The following GSE1 variants were observed in gnomAD, a reference collection of about 807,000 sequenced individuals.
GSE1 encodes Gse1 coiled-coil protein.
GSE1 carries 32 observed loss-of-function variants against 112.6 expected under a neutral mutation model. That is an observed-to-expected ratio of 0.28 (90% CI 0.21 to 0.38). The LOEUF (loss-of-function observed/expected upper bound fraction) is 0.38. Ranked by LOEUF, GSE1 falls within the 10% of genes least tolerant of loss-of-function variation. GSE1 has a pLI of 1.00. For synonymous variants in GSE1, 1,115 were observed against 735.6 expected (o/e 1.52, Z -8.35); for missense variants, 2,348 against 1,699.2 (o/e 1.38, Z -6.71).
At chr16:85,477,622 G>A (rs972389425) in intron 2 of GSE1, among the ~76,000 whole-genome samples, 8 of 150,578 alleles carry the variant, frequency 5.3e-5, no homozygotes, top group African/African-American at 1.2e-4. Flanking sequence ...GTGCAGTGGC[G>A]CGATCTCGGC....
Position 85,617,596 on chromosome 16 carries a change from TCCCCC to T in GSE1, c.7+4209_7+4213del, listed in dbSNP as rs139892598. ...AGCCTGGGCATCCGTGTGTCAACCC[TCCCCC>T]CCCCCCCCCCGTTAACTGCCACGTG... is the stretch of plus-strand genomic sequence containing the variant. On this transcript the variant is annotated intron_variant, in intron 1 of 15. Coordinates refer to ENST00000253458, the MANE Select transcript of GSE1 (RefSeq NM_014615.5). Among the ~76,000 whole-genome samples the T allele has an allele frequency of 2.5e-4, 9 of 36,416 alleles. 1 individual carries two copies. Among genetic ancestry groups the T allele is most frequent in the South Asian group, 1.1e-3 (1 of 892 alleles). The allele number at this position is 36,416 out of a possible 152,430, so 23.9% of individuals were successfully genotyped here.
At position 85,655,810 on chromosome 16, in the gene GSE1, A is replaced by G. The variant is rs775943938; in HGVS notation, c.882A>G (p.Pro294=). The change falls in exon 6 of 16, where the codon CCA becomes CCG. Residue 294 remains proline (P), a synonymous_variant. Coordinates refer to ENST00000253458, the MANE Select transcript of GSE1 (RefSeq NM_014615.5). ...CCGGCTCCCTGCCCCCACTGCACCCATCAGCGATGCACCTGCACCTCTCTG... is the reference window on the plus strand; with the variant it reads ...CCGGCTCCCTGCCCCCACTGCACCCGTCAGCGATGCACCTGCACCTCTCTG... ...PTPGSLPPLH[P]SAMHLHLSGV... is the part of the protein sequence containing the mutation. 3.2e-6 allele frequency: 5 copies of G among 1,547,884 alleles called. No homozygotes were observed. Among genetic ancestry groups the G allele is most frequent in the Non-Finnish European group, 4.4e-6 (5 of 1,127,968 alleles).
intron 1 of GSE1, among the ~76,000 whole-genome samples, chr16:85,582,607 C>G (rs2046496996): frequency 6.6e-6 from 1 of 152,182 alleles, no homozygotes; most frequent in Non-Finnish European, 1.5e-5. Context: ...GGTGGCATCC[C>G]CAGAGCTGAC....
chr16:85,402,994 C>T (rs1035358618), intron 2 of GSE1, among the ~76,000 whole-genome samples: 17 of 152,184 alleles, frequency 1.1e-4, no homozygotes, highest in African/African-American at 3.6e-4. Flanking sequence ...GGTCAGGGAT[C>T]CGGATCCAGC....
At position 85,614,131 on chromosome 16, in the gene GSE1, G is replaced by A. The variant is rs542786974; in HGVS notation, c.7+733G>A. On this transcript the variant is annotated intron_variant, in intron 1 of 15. Coordinates refer to ENST00000253458, the MANE Select transcript of GSE1 (RefSeq NM_014615.5). ...ATGGCTGCCCCAGCCTCGGAGGTGG[G>A]AGAGGGATTGCACATCCGCCGCCCC... 4.0e-5 allele frequency among the ~76,000 whole-genome samples: 6 copies of A among 150,908 alleles called. No homozygotes were observed. In the South Asian group the frequency reaches 1.0e-3, roughly 26 times the overall value.
chr16:85,534,651 C>G (rs2044262800), intron 2 of GSE1, among the ~76,000 whole-genome samples: 1 of 152,180 alleles, frequency 6.6e-6, no homozygotes, highest in Admixed American at 6.5e-5. Context: ...GTGTCCGCCT[C>G]TTGGCCGCTG....
At chr16:85,273,967 G>C (rs1909107323) in intron 1 of GSE1, among the ~76,000 whole-genome samples, 1 of 151,294 alleles carries the variant, frequency 6.6e-6, no homozygotes, top group South Asian at 2.1e-4. Flanking sequence ...AAAGTGCTGG[G>C]ATTACAGGTG....
chr16:85,336,163 G>A (rs1567696529), intron 1 of GSE1, among the ~76,000 whole-genome samples: 1 of 152,202 alleles, frequency 6.6e-6, no homozygotes. Flanking sequence ...GGGTCACCAG[G>A]GGCTGACTGG....
chr16:85,201,383 C>T (rs2075026344), intron 1 of GSE1, among the ~76,000 whole-genome samples: 1 of 149,188 alleles, frequency 6.7e-6, no homozygotes, highest in South Asian at 2.1e-4. Context: ...TGAAGCCGGG[C>T]ACGATGGCTC....
At chr16:85,460,727 C>T (rs62050402) in intron 2 of GSE1, among the ~76,000 whole-genome samples, 414 of 150,280 alleles carry the variant, frequency 2.8e-3, no homozygotes, top group Non-Finnish European at 4.2e-3. Context: ...TGCGCAGACA[C>T]GGTCCTGTGG....
chr16:85,271,285 C>T (rs894779841), intron 1 of GSE1, among the ~76,000 whole-genome samples: 1 of 152,202 alleles, frequency 6.6e-6, no homozygotes, highest in Admixed American at 6.5e-5. Flanking sequence ...AGCCCACCCT[C>T]TCTCCCAGCC....
intron 2 of GSE1, among the ~76,000 whole-genome samples, chr16:85,414,519 G>T (rs945959473): frequency 1.1e-4 from 16 of 152,184 alleles, no homozygotes; most frequent in Admixed American, 9.2e-4. Flanking sequence ...TGCCTTCGTG[G>T]GTCCCAACAC....
intron 1 of GSE1, among the ~76,000 whole-genome samples, chr16:85,232,860 A>C (rs1904302413): frequency 6.6e-6 from 1 of 152,178 alleles, no homozygotes; most frequent in African/African-American, 2.4e-5. Flanking sequence ...ATTCTTTCTG[A>C]TCCAAATGAA....
intron 1 of GSE1, among the ~76,000 whole-genome samples, chr16:85,212,375 C>T (rs2075240937): frequency 6.6e-6 from 1 of 152,026 alleles, no homozygotes; most frequent in Non-Finnish European, 1.5e-5. Context: ...CACTGCACTC[C>T]AACCTGGGTG....
Position 85,663,571 on chromosome 16 carries a change from G to T in GSE1, c.2601G>T (p.Leu867=), listed in dbSNP as rs962656499. ...SPNFEEKKKF[L]TIFNLTHISA... is the part of the protein sequence containing the mutation. ...ACTTCGAAGAAAAGAAGAAGTTCCTGACCATCTTCAACCTGACCCACATCA... is the reference window on the plus strand; with the variant it reads ...ACTTCGAAGAAAAGAAGAAGTTCCTTACCATCTTCAACCTGACCCACATCA... The change falls in exon 11 of 16, where the codon CTG becomes CTT. Residue 867 remains leucine (L), a synonymous_variant. Coordinates refer to ENST00000253458, the MANE Select transcript of GSE1 (RefSeq NM_014615.5). The T allele has an allele frequency of 1.9e-6, 3 of 1,613,994 alleles. No homozygotes were observed. The highest frequency in any genetic ancestry group is 8.5e-7 in the Non-Finnish European group (1 of 1,180,026).
intron 2 of GSE1, among the ~76,000 whole-genome samples, chr16:85,474,465 C>G (rs2050390640): frequency 6.6e-6 from 1 of 152,150 alleles, no homozygotes; most frequent in Non-Finnish European, 1.5e-5. Flanking sequence ...AGGGGCCATG[C>G]CAGCCCCGGC....
chr16:85,231,602 GCACGGGTGGA>G (rs1904287684), intron 1 of GSE1, among the ~76,000 whole-genome samples: 1 of 152,198 alleles, frequency 6.6e-6, no homozygotes, highest in Admixed American at 6.5e-5. Context: ...GTGGTTAGAT[GCACGGGTGGA>G]ATAGAGGGGT....
intron 1 of GSE1, among the ~76,000 whole-genome samples, chr16:85,273,714 A>C (rs112001942): frequency 0.016 from 2,441 of 151,696 alleles, 55 homozygotes; most frequent in African/African-American, 0.056. Context: ...TTTGAGATGG[A>C]GTTTAGCCCT....
chr16:85,655,543 C>T (rs536099496), intron 5 of GSE1, among the ~76,000 whole-genome samples, 183 bp from the exon 6 acceptor site: 3 of 152,328 alleles, frequency 2.0e-5, no homozygotes, highest in Admixed American at 6.5e-5. Flanking sequence ...CTGTCGGCAC[C>T]TAGCAGCCTC....
Sources: allele counts gnomAD v4.1 joint callset (sites outside exome capture counted in the v4.1 genomes callset), GRCh38; gene constraint gnomAD v4.1.1; transcripts MANE v1.5; gene names NCBI Gene and HGNC (gene_info 2026-07-23, HGNC 2026-07-21).